The following SLC41A2 variants were observed in gnomAD, a reference collection of about 807,000 sequenced individuals.
SLC41A2 encodes SLC41A1-like 1.
A neutral mutation model predicts 58.3 loss-of-function variants in SLC41A2; 32 were observed. The observed-to-expected ratio is 0.55, with a 90% confidence interval of 0.41 to 0.74. The LOEUF (loss-of-function observed/expected upper bound fraction) is 0.74. SLC41A2 is among the 30% of genes least tolerant of loss of function. The pLI, the probability that SLC41A2 is intolerant of heterozygous loss-of-function variation, is 0.00. For synonymous variants in SLC41A2, 190 were observed against 235.0 expected (o/e 0.81, Z 1.75); for missense variants, 514 against 680.6 (o/e 0.76, Z 2.72).
At position 104,958,263 on chromosome 12, in the gene SLC41A2, C is replaced by A. The variant is rs1395916947; in HGVS notation, c.-343G>T. 6.6e-6 allele frequency: 1 copy of A among 150,958 alleles called. No homozygotes were observed. Among genetic ancestry groups the A allele is most frequent in the Non-Finnish European group, 1.5e-5 (1 of 67,722 alleles). 9.4% of individuals were successfully genotyped at this position (150,958 alleles called of 1,614,324 possible). On this transcript the variant is annotated 5_prime_UTR_variant, in exon 1 of 11. Coordinates refer to ENST00000258538, the MANE Select transcript of SLC41A2 (RefSeq NM_001352171.3). ...ACAGCTCCTTCCTGCTCCCGCGCCT[C>A]CTCGCGCGGCTGCGGCCCCAAGCTG...
intron 8 of SLC41A2, among the ~76,000 whole-genome samples, chr12:104,847,825 C>T (rs1440532256): frequency 6.6e-6 from 1 of 152,074 alleles, no homozygotes; most frequent in East Asian, 1.9e-4. Flanking sequence ...TAGCATCATT[C>T]AATGTCGTTG....
At chr12:104,883,391 A>G (rs547037278) in intron 6 of SLC41A2, among the ~76,000 whole-genome samples, 1 of 152,094 alleles carries the variant, frequency 6.6e-6, no homozygotes, top group Non-Finnish European at 1.5e-5. Flanking sequence ...TTTGGAGGAG[A>G]AGAGGCGTTC....
intron 2 of SLC41A2, among the ~76,000 whole-genome samples, chr12:104,926,606 A>ATC (rs1565907048): frequency 2.0e-5 from 3 of 152,108 alleles, no homozygotes; most frequent in Admixed American, 6.5e-5. Flanking sequence ...TAAAAAAAAA[A>ATC]AGAGAATACC....
chr12:104,850,095 C>T (rs1197849964), intron 8 of SLC41A2, among the ~76,000 whole-genome samples: 1 of 152,078 alleles, frequency 6.6e-6, no homozygotes, highest in African/African-American at 2.4e-5. Flanking sequence ...GAACCAGGTG[C>T]TAAAAGTTGA....
chr12:104,842,506 TAAC>T (rs2042449529), intron 10 of SLC41A2, among the ~76,000 whole-genome samples: 1 of 152,130 alleles, frequency 6.6e-6, no homozygotes, highest in African/African-American at 2.4e-5. Context: ...CTATCTTTAA[TAAC>T]AACAACAATA....
chr12:104,887,372 T>A (rs931867215), intron 5 of SLC41A2, among the ~76,000 whole-genome samples: 1 of 151,934 alleles, frequency 6.6e-6, no homozygotes, highest in Non-Finnish European at 1.5e-5. Context: ...GCTTAAATTC[T>A]TGCCTAAAGT....
intron 10 of SLC41A2, among the ~76,000 whole-genome samples, chr12:104,810,875 A>G (rs538729280): frequency 2.5e-4 from 38 of 152,338 alleles, no homozygotes; most frequent in African/African-American, 9.1e-4. Context: ...ACAGAGTCCA[A>G]CACTAAAGCC....
At chr12:104,873,565 T>C (rs577958987) in intron 6 of SLC41A2, among the ~76,000 whole-genome samples, 1 of 152,322 alleles carries the variant, frequency 6.6e-6, no homozygotes, top group African/African-American at 2.4e-5. Flanking sequence ...TGCTGAGTCA[T>C]GCAGTCATTC....
At chr12:104,815,773 C>T (rs988248240) in intron 10 of SLC41A2, among the ~76,000 whole-genome samples, 1 of 152,056 alleles carries the variant, frequency 6.6e-6, no homozygotes, top group African/African-American at 2.4e-5. Context: ...TCATTAAAAT[C>T]TAATATAAAT....
At chr12:104,955,471 C>G (rs997171754) in intron 1 of SLC41A2, among the ~76,000 whole-genome samples, 2 of 152,164 alleles carry the variant, frequency 1.3e-5, no homozygotes, top group Non-Finnish European at 2.9e-5. Context: ...CCACTACCCC[C>G]GGTGTTTCCT....
intron 3 of SLC41A2, among the ~76,000 whole-genome samples, 157 bp downstream of exon 3, chr12:104,909,498 A>G (rs987954009): frequency 1.8e-4 from 27 of 152,216 alleles, no homozygotes; most frequent in Admixed American, 1.8e-3. Flanking sequence ...ATCAGATGAG[A>G]CAATATTTCA....
At chr12:104,817,494 CA>C in intron 10 of SLC41A2, among the ~76,000 whole-genome samples, 1 of 152,012 alleles carries the variant, frequency 6.6e-6, no homozygotes. Flanking sequence ...TTTGTAATGA[CA>C]AAACACAAAA....
intron 2 of SLC41A2, among the ~76,000 whole-genome samples, chr12:104,916,481 T>C (rs1368759553): frequency 6.6e-6 from 1 of 152,050 alleles, no homozygotes; most frequent in Non-Finnish European, 1.5e-5. Context: ...TACTTTAAAG[T>C]TCATATGGAA....
intron 10 of SLC41A2, among the ~76,000 whole-genome samples, chr12:104,807,740 T>C (rs1194956589): frequency 2.0e-5 from 3 of 152,206 alleles, no homozygotes; most frequent in Admixed American, 1.3e-4. Flanking sequence ...TTTTATTTCA[T>C]TGAGCAGTGG....
At chr12:104,886,476 A>AT (rs760316065) in intron 5 of SLC41A2, 37 bp from the exon 6 acceptor site, 1 of 1,599,290 alleles carries the variant, frequency 6.3e-7, no homozygotes. Flanking sequence ...TTAGGCTATG[A>AT]TTTAAAGAAA....
chr12:104,834,423 TCA>T (rs1480760220), intron 10 of SLC41A2, among the ~76,000 whole-genome samples: 8 of 152,152 alleles, frequency 5.3e-5, no homozygotes, highest in Non-Finnish European at 7.3e-5. Context: ...GGCCCTCCCT[TCA>T]TATCTCCTTT....
At chr12:104,920,460 G>C (rs1489748406) in intron 2 of SLC41A2, among the ~76,000 whole-genome samples, 1 of 151,838 alleles carries the variant, frequency 6.6e-6, no homozygotes, top group African/African-American at 2.4e-5. Context: ...TCGTAAAACT[G>C]AGAAATACAT....
intron 6 of SLC41A2, among the ~76,000 whole-genome samples, chr12:104,876,212 C>G (rs2044034375): frequency 6.6e-6 from 1 of 151,906 alleles, no homozygotes; most frequent in Non-Finnish European, 1.5e-5. Flanking sequence ...TTAGAAGAGC[C>G]AACTAAGTTT....
chr12:104,881,991 G>C (rs2044394796), intron 6 of SLC41A2, among the ~76,000 whole-genome samples: 1 of 152,158 alleles, frequency 6.6e-6, no homozygotes, highest in Non-Finnish European at 1.5e-5. Flanking sequence ...TTATGAATCT[G>C]GGTGCTCCTG....
Sources: allele counts gnomAD v4.1 joint callset (sites outside exome capture counted in the v4.1 genomes callset), GRCh38; gene constraint gnomAD v4.1.1; transcripts MANE v1.5; gene names NCBI Gene and HGNC (gene_info 2026-07-23, HGNC 2026-07-21).